The following CTNNA3 variants were observed in gnomAD, a reference collection of about 807,000 sequenced individuals.
CTNNA3 encodes the protein catenin alpha 3.
Under a neutral mutation model 95.7 loss-of-function variants are expected in CTNNA3, and 76 were observed. The ratio of observed to expected loss-of-function variants is 0.79; its 90% confidence interval spans 0.66 to 0.96. The LOEUF (loss-of-function observed/expected upper bound fraction) is 0.96, where lower values mean the gene tolerates loss of function less well. Among genes scored for constraint, CTNNA3 ranks in the 40% least tolerant of loss-of-function variants. The probability of loss-of-function intolerance (pLI) is 0.00; values close to 1 mark genes in which losing one functional copy is unlikely to be tolerated. For synonymous variants in CTNNA3, 431 were observed against 374.4 expected (o/e 1.15, Z -1.74); for missense variants, 1,191 against 1,089.8 (o/e 1.09, Z -1.31).
rs1441351741 is a variant in CTNNA3, at chr10:65,915,882, T to TA, written c.*4447dup. The TA allele has an allele frequency of 6.6e-6, 1 of 152,208 alleles. No individual in the cohort carries two copies. Among genetic ancestry groups the TA allele is most frequent in the African/African-American group, 2.4e-5 (1 of 41,432 alleles). 9.4% of individuals were successfully genotyped at this position (152,208 alleles called of 1,614,324 possible). On this transcript the variant is annotated 3_prime_UTR_variant, in exon 18 of 18. Coordinates refer to ENST00000433211, the MANE Select transcript of CTNNA3 (RefSeq NM_013266.4). ...TGGTTAAAAATGCCAAAAAGGTATT[T>TA]AAAATTTTACTTCTTCTCTTTCTCT... is the stretch of plus-strand genomic sequence containing the variant.
intron 7 of CTNNA3, among the ~76,000 whole-genome samples, chr10:67,029,095 G>A (rs1853567811): frequency 6.6e-6 from 1 of 152,134 alleles, no homozygotes. Flanking sequence ...CAAAAGGTGT[G>A]CTTTGCTGAT....
At chr10:66,211,142 C>T (rs2088127865) in intron 13 of CTNNA3, among the ~76,000 whole-genome samples, 2 of 152,142 alleles carry the variant, frequency 1.3e-5, no homozygotes, top group African/African-American at 4.8e-5. Flanking sequence ...AGCACAGTTG[C>T]AACAGTAACA....
chr10:67,349,979 T>C (rs1842571985), intron 5 of CTNNA3, among the ~76,000 whole-genome samples: 1 of 152,088 alleles, frequency 6.6e-6, no homozygotes, highest in Admixed American at 6.6e-5. Context: ...TCAGAAGATT[T>C]GTGATGATGA....
chr10:66,994,393 TTAA>T (rs1851213077), intron 7 of CTNNA3, among the ~76,000 whole-genome samples: 3 of 152,212 alleles, frequency 2.0e-5, no homozygotes, highest in South Asian at 2.1e-4. Flanking sequence ...ATTAGCTCAC[TTAA>T]TAAATGGAAT....
intron 9 of CTNNA3, among the ~76,000 whole-genome samples, chr10:66,715,784 A>T (rs1464964392): frequency 6.6e-6 from 1 of 152,080 alleles, no homozygotes; most frequent in East Asian, 1.9e-4. Context: ...TTTCATCAAA[A>T]TTATATTGCT....
In CTNNA3 at chr10:65,966,232, C is replaced by T. The variant is rs547502766; in HGVS notation, c.2400+380G>A. On this transcript the variant is annotated intron_variant, in intron 17 of 17. Coordinates refer to ENST00000433211, the MANE Select transcript of CTNNA3 (RefSeq NM_013266.4). Reference sequence around the variant, plus strand: ...GAAAATGAATATCAATTAATAGCAGCGAAGCAATCATTTTATTAATTTGCA... The same window carrying T: ...GAAAATGAATATCAATTAATAGCAGTGAAGCAATCATTTTATTAATTTGCA... Among the ~76,000 whole-genome samples, 31 of 152,166 alleles carry T rather than the reference C, an allele frequency of 2.0e-4. No homozygotes were observed. The East Asian group carries it at 2.5e-3, about 12-fold the overall frequency.
At chr10:67,673,357 TCTC>T (rs1356347493) in intron 1 of CTNNA3, among the ~76,000 whole-genome samples, 4 of 148,334 alleles carry the variant, frequency 2.7e-5, no homozygotes, top group African/African-American at 7.4e-5. Flanking sequence ...TTTATTTCCT[TCTC>T]CTGCCTAATT....
intron 12 of CTNNA3, among the ~76,000 whole-genome samples, chr10:66,317,428 C>T (rs999996687): frequency 6.6e-6 from 1 of 152,014 alleles, no homozygotes; most frequent in African/African-American, 2.4e-5. Context: ...AATCCCAGCA[C>T]TTTGGGAGGC....
At chr10:66,016,898 T>C (rs1189169479) in intron 15 of CTNNA3, among the ~76,000 whole-genome samples, 1 of 152,192 alleles carries the variant, frequency 6.6e-6, no homozygotes, top group Non-Finnish European at 1.5e-5. Flanking sequence ...AATGTAAATT[T>C]CAAATTCTGC....
chr10:66,473,381 C>T lies in CTNNA3; in HGVS notation c.1531+47236G>A, dbSNP rs140111074. ...TGCTCCTCATGCTTCTCTCTCCTGC[C>T]GACATGTGAAGAAGGTCCTTGCTGC... On this transcript the variant is annotated intron_variant, in intron 11 of 17. Transcript: ENST00000433211. Among the ~76,000 whole-genome samples, 35 of 151,898 alleles carry T rather than the reference C, an allele frequency of 2.3e-4. 1 individual carries two copies. The highest frequency in any genetic ancestry group is 1.2e-3 in the East Asian group (6 of 5,152).
intron 12 of CTNNA3, among the ~76,000 whole-genome samples, chr10:66,363,431 A>T (rs1036454247): frequency 6.6e-6 from 1 of 152,166 alleles, no homozygotes; most frequent in Non-Finnish European, 1.5e-5. Flanking sequence ...GCTCTCCATC[A>T]TGTAGAGACA....
chr10:67,726,464 T>TAA (rs1564841186), intron 1 of CTNNA3, among the ~76,000 whole-genome samples: 4 of 41,268 alleles, frequency 9.7e-5, no homozygotes, highest in African/African-American at 1.8e-4. Context: ...ATATGATATA[T>TAA]GATATAATAT....
At chr10:66,438,076 T>A (rs546009319) in intron 11 of CTNNA3, among the ~76,000 whole-genome samples, 24 of 152,076 alleles carry the variant, frequency 1.6e-4, no homozygotes, top group Non-Finnish European at 3.1e-4. Context: ...GGAAGCTTTA[T>A]TCCAGAGGGG....
At chr10:66,576,006 G>A (rs1399780957) in intron 10 of CTNNA3, among the ~76,000 whole-genome samples, 2 of 152,060 alleles carry the variant, frequency 1.3e-5, no homozygotes, top group Admixed American at 6.6e-5. Context: ...CTAGTAAGAG[G>A]TGCTAGGCTG....
chr10:66,263,811 C>G (rs893254684), intron 13 of CTNNA3, among the ~76,000 whole-genome samples: 6 of 151,924 alleles, frequency 3.9e-5, no homozygotes, highest in African/African-American at 1.4e-4. Flanking sequence ...CATACATTAC[C>G]TACTTGATCA....
At chr10:66,189,227 A>G (rs1589679025) in intron 13 of CTNNA3, among the ~76,000 whole-genome samples, 1 of 143,946 alleles carries the variant, frequency 6.9e-6, no homozygotes, top group Middle Eastern at 3.7e-3. Context: ...AGTTTGATTT[A>G]CTCCCACTTG....
intron 5 of CTNNA3, among the ~76,000 whole-genome samples, chr10:67,417,976 T>C (rs569703308): frequency 1.4e-4 from 22 of 152,252 alleles, no homozygotes; most frequent in Non-Finnish European, 2.5e-4. Flanking sequence ...AACTGGTAAA[T>C]GGATAAGCAG....
intron 9 of CTNNA3, among the ~76,000 whole-genome samples, chr10:66,716,490 T>C (rs1275392999): frequency 2.6e-5 from 4 of 152,212 alleles, no homozygotes; most frequent in Non-Finnish European, 4.4e-5. Flanking sequence ...TTTTTGCTAC[T>C]AGGATGTAAG....
At position 66,927,683 on chromosome 10, in the gene CTNNA3, A is replaced by G. The variant is rs749185998; in HGVS notation, c.1048-152159T>C. ...ATGTCCTGGACCTGGAGCTCCTTAC[A>G]AAGGCTTGATTTATCAGGCAATGAG... On this transcript the variant is annotated intron_variant, in intron 7 of 17. Coordinates refer to ENST00000433211, the MANE Select transcript of CTNNA3 (RefSeq NM_013266.4). This position sits in a 1 kb window ranked among gnomAD's most constrained non-coding sequence, Gnocchi z 4.7. 3.1e-6 allele frequency: 5 copies of G among 1,614,160 alleles called. No homozygotes were observed. The highest frequency in any genetic ancestry group is 4.2e-6 in the Non-Finnish European group (5 of 1,180,038).
Sources: gnomAD v4.1 joint callset for allele counts (sites outside exome capture counted in the v4.1 genomes callset) on GRCh38, gnomAD v4.1.1 for gene constraint, Gnocchi (gnomAD v3.1) non-coding constraint, MANE v1.5 for transcripts, NCBI Gene and HGNC (gene_info 2026-07-23, HGNC 2026-07-21) for gene names.